Variants in MME observed in about 807,000 individuals in gnomAD.
MME encodes the protein neprilysin.
In MME, 98 loss-of-function variants were observed where a neutral mutation model predicts 113.2. That is an observed-to-expected ratio of 0.87 (90% CI 0.74 to 1.02). The LOEUF (loss-of-function observed/expected upper bound fraction) is 1.02. Among genes scored for constraint, MME ranks in the 50% least tolerant of loss-of-function variants. The pLI, the probability that MME is intolerant of heterozygous loss-of-function variation, is 0.00. For missense variants in MME, 836 were observed against 896.0 expected, an observed-to-expected ratio of 0.93 and a Z score of 0.86; for synonymous variants, 292 against 300.6, an observed-to-expected ratio of 0.97 and a Z score of 0.30.
At chr3:155,105,879 A>G (rs567705893) in intron 3 of MME, among the ~76,000 whole-genome samples, 1 of 152,316 alleles carries the variant, frequency 6.6e-6, no homozygotes, top group African/African-American at 2.4e-5. Context: ...CTTTGGCTAA[A>G]CCTAAATGAA....
At chr3:155,063,248 A>ATGTGTATTTATATGT (rs1470643525) in intron 1 of MME, among the ~76,000 whole-genome samples, 2 of 116,794 alleles carry the variant, frequency 1.7e-5, no homozygotes, top group Admixed American at 2.2e-4. Flanking sequence ...ATTATATAAT[A>ATGTGTATTTATATGT]ATATACATAT....
chr3:155,062,267 G>C (rs1714175832), intron 1 of MME, among the ~76,000 whole-genome samples: 1 of 152,078 alleles, frequency 6.6e-6, no homozygotes, highest in South Asian at 2.1e-4. Context: ...CTATCTGCAA[G>C]AATACCCCTT....
chr3:155,053,614 G>C (rs62279982), intron 1 of MME, among the ~76,000 whole-genome samples: 2 of 152,144 alleles, frequency 1.3e-5, no homozygotes, highest in African/African-American at 2.4e-5. Context: ...ATGAGCTTTG[G>C]GTGGGAGTGC....
intron 15 of MME, among the ~76,000 whole-genome samples, chr3:155,147,882 G>C (rs1479708282): frequency 1.3e-5 from 2 of 152,154 alleles, no homozygotes; most frequent in African/African-American, 4.8e-5. Flanking sequence ...ATGGGGATTT[G>C]CAAACCATAC....
chr3:155,153,102 T>A (rs1044838337), intron 16 of MME, among the ~76,000 whole-genome samples: 4 of 151,186 alleles, frequency 2.6e-5, no homozygotes, highest in African/African-American at 9.7e-5. Flanking sequence ...AGTGACACCA[T>A]CTCGGCTCCC....
intron 1 of MME, among the ~76,000 whole-genome samples, chr3:155,049,679 AGAGAG>A (rs1576670382): frequency 1.3e-5 from 2 of 150,872 alleles, no homozygotes; most frequent in Non-Finnish European, 3.0e-5. Context: ...ATCTATATAT[AGAGAG>A]AGAACAGAAT....
chr3:155,024,725 A>G (rs1407183121), intron 1 of MME, among the ~76,000 whole-genome samples: 11 of 152,200 alleles, frequency 7.2e-5, no homozygotes, highest in Non-Finnish European at 5.9e-5. Context: ...CAATTTTAGA[A>G]ATAAGAGCAT....
intron 1 of MME, among the ~76,000 whole-genome samples, chr3:155,055,735 G>A (rs991871531): frequency 2.0e-5 from 3 of 152,164 alleles, no homozygotes; most frequent in African/African-American, 7.2e-5. Context: ...AGCCCAAAGA[G>A]GTCCCTGAGG....
At chr3:155,034,524 A>T (rs1713069939) in intron 1 of MME, among the ~76,000 whole-genome samples, 1 of 152,210 alleles carries the variant, frequency 6.6e-6, no homozygotes, top group African/African-American at 2.4e-5. Flanking sequence ...ATTAACAAGG[A>T]AGAAAACAAT....
intron 18 of MME, among the ~76,000 whole-genome samples, chr3:155,167,489 A>C (rs577869343): frequency 6.6e-5 from 10 of 152,192 alleles, no homozygotes; most frequent in African/African-American, 1.7e-4. Flanking sequence ...AGTCTTTGCA[A>C]ACAGTTAGGC....
intron 1 of MME, among the ~76,000 whole-genome samples, chr3:155,056,650 G>A (rs1414261162): frequency 6.6e-6 from 1 of 151,886 alleles, no homozygotes; most frequent in African/African-American, 2.4e-5. Context: ...GTGTGCGTGT[G>A]TCTTTATAGC....
chr3:155,144,283 T>C (rs1305295065), intron 13 of MME, 76 bp from the exon 14 acceptor site: 6 of 962,244 alleles, frequency 6.2e-6, no homozygotes, highest in East Asian at 4.8e-5. Flanking sequence ...AAAGATAGCA[T>C]GTAGCTCTAT....
chr3:155,097,045 T>A (rs1404211981), intron 3 of MME, among the ~76,000 whole-genome samples: 1 of 152,084 alleles, frequency 6.6e-6, no homozygotes, highest in Non-Finnish European at 1.5e-5. Context: ...GTAACTCAAG[T>A]TTCTGGCTTG....
intron 1 of MME, among the ~76,000 whole-genome samples, chr3:155,062,964 G>A (rs1220344712): frequency 6.7e-6 from 1 of 148,930 alleles, no homozygotes; most frequent in African/African-American, 2.5e-5. Context: ...GAACCCGGGA[G>A]GTGGAGGTTG....
chr3:155,024,727 T>A (rs1295562272), intron 1 of MME, among the ~76,000 whole-genome samples: 2 of 152,186 alleles, frequency 1.3e-5, no homozygotes, highest in Non-Finnish European at 1.5e-5. Context: ...ATTTTAGAAA[T>A]AAGAGCATAA....
At chr3:155,069,113 G>C (rs2108142806) in intron 1 of MME, among the ~76,000 whole-genome samples, 1 of 152,250 alleles carries the variant, frequency 6.6e-6, no homozygotes, top group East Asian at 1.9e-4. Context: ...GAAAAGGGGG[G>C]AATATGTTGG....
At chr3:155,064,778 G>A (rs139159830) in intron 1 of MME, among the ~76,000 whole-genome samples, 106 of 152,266 alleles carry the variant, frequency 7.0e-4, no homozygotes, top group Non-Finnish European at 1.1e-3. Context: ...TCACCAGTCC[G>A]GAGATTAGAA....
At chr3:155,072,894 G>C (rs1194903535) in intron 1 of MME, among the ~76,000 whole-genome samples, 1 of 152,038 alleles carries the variant, frequency 6.6e-6, no homozygotes, top group Non-Finnish European at 1.5e-5. Flanking sequence ...AAACTATGTT[G>C]GCCTCTCAAA....
rs542156563 is a variant in MME at position 155,083,740 on chromosome 3, C to T, written c.-10-418C>T. 5 of 185,014 alleles carry T rather than the reference C, an allele frequency of 2.7e-5. No homozygotes were observed. The South Asian group carries it at 3.0e-4, about 11-fold the overall frequency. 11.5% of individuals were successfully genotyped at this position (185,014 alleles called of 1,614,324 possible). ...TGGTTTTTGAGCTTATAAAGGAAGC[C>T]ACTGGAGCAAGATATAAAATTAACC... On this transcript the variant is annotated intron_variant, in intron 1 of 22. Coordinates refer to ENST00000360490, the MANE Select transcript of MME (RefSeq NM_007289.4).
Sources: allele counts gnomAD v4.1 joint callset (sites outside exome capture counted in the v4.1 genomes callset), GRCh38; gene constraint gnomAD v4.1.1; transcripts MANE v1.5; gene names NCBI Gene and HGNC (gene_info 2026-07-23, HGNC 2026-07-21).